The following NFKB2 variants were observed in gnomAD, a reference collection of about 807,000 sequenced individuals.
NFKB2 encodes the protein nuclear factor kappa B subunit 2.
A neutral mutation model predicts 109.3 loss-of-function variants in NFKB2; 21 were observed. The ratio of observed to expected loss-of-function variants is 0.19; its 90% CI spans 0.14 to 0.28. The LOEUF is 0.28. NFKB2 is among the 10% of genes least tolerant of loss of function. The pLI is 1.00. For missense variants in NFKB2, 806 were observed against 1,185.3 expected (o/e 0.68, Z 4.70); for synonymous variants, 478 against 489.9 (o/e 0.98, Z 0.32).
upstream of NFKB2, chr10:102,394,373 G>A (rs1400449229): frequency 2.6e-5 from 4 of 152,388 alleles, no homozygotes; most frequent in Non-Finnish European, 5.9e-5. Context: ...TCCCCTCTCA[G>A]GGGCGCGCCC....
Position 102,397,850 on chromosome 10 carries a change from T to C in NFKB2, c.662-131T>C. The C allele has an allele frequency of 8.0e-7, 1 of 1,251,636 alleles. No individual in the cohort carries two copies. The highest frequency in any genetic ancestry group is 1.1e-6 in the Non-Finnish European group (1 of 879,582). The allele number at this position is 1,251,636 out of a possible 1,614,324, so 77.5% of individuals were successfully genotyped here. Reference sequence around the variant, plus strand: ...ATTTCCCCCCCGAAGCTTCTGTCTTTAGTAAATGTGTATATTGGGTGTTTC... The same window carrying C: ...ATTTCCCCCCCGAAGCTTCTGTCTTCAGTAAATGTGTATATTGGGTGTTTC... On this transcript the variant is annotated intron_variant, in intron 8 of 22. Coordinates refer to ENST00000661543, the MANE Select transcript of NFKB2 (RefSeq NM_001322934.2). This position sits in a 1 kb window ranked among gnomAD's most constrained non-coding sequence, Gnocchi z 4.7.
Position 102,398,766 on chromosome 10 carries a change from G to A in NFKB2, c.1019G>A (p.Arg340Lys). The A allele has an allele frequency of 6.2e-7, 1 of 1,612,598 alleles. No individual in the cohort carries two copies. Among genetic ancestry groups the A allele is most frequent in the Admixed American group, 1.7e-5 (1 of 60,004 alleles). Residue 340 changes from arginine (R) to lysine (K), a missense_variant, in exon 12 of 23, where the codon AGG (arginine) becomes AAG (lysine). Physicochemically the swap from Arg to Lys is conservative, Grantham distance 26. Transcript: ENST00000661543. The surrounding 1 kb of genome is among the most constrained non-coding windows in gnomAD (Gnocchi z 6.6). ...EDKEEVQRKR[R>K]KALPTFSQPF... Reference sequence around the variant, plus strand: ...AAGGAAGAGGTGCAGCGGAAGCGGAGGAAGGCCTTGCCCACCTTCTCCCAG... The same window carrying A: ...AAGGAAGAGGTGCAGCGGAAGCGGAAGAAGGCCTTGCCCACCTTCTCCCAG...
At position 102,400,754 on chromosome 10, in the gene NFKB2, G is replaced by T; in HGVS notation, c.1898G>T (p.Gly633Val). Residue 633 changes from glycine (G) to valine (V), a missense_variant, in exon 17 of 23, where the codon GGG becomes GTG. Around this residue, in one of 10 missense-constraint regions of NFKB2, gnomAD observed 163 missense variants for 207.1 expected, o/e 0.79. Coordinates refer to ENST00000661543, the MANE Select transcript of NFKB2 (RefSeq NM_001322934.2). This position sits in a 1 kb window ranked among gnomAD's most constrained non-coding sequence, Gnocchi z 6.3. ...GAEVEATERQ[G>V]GRTALHLATE... is the part of the protein sequence containing the mutation. ...GAAGTGGAGGCCACAGAGCGGCAGG[G>T]GGGACGAACAGCCTTGCATCTAGCC... 6.2e-7 allele frequency: 1 copy of T among 1,612,892 alleles called. No homozygotes were observed. The highest frequency in any genetic ancestry group is 2.2e-5 in the East Asian group (1 of 44,856).
chr10:102,400,411 G>A lies in NFKB2; in HGVS notation c.1718G>A (p.Gly573Asp). ...CATCTGGCGCTGCGGGCAGGCGCTG[G>A]TGCTCCTGAGCTGCTGCGTGCACTG... ...AMHLALRAGA[G>D]APELLRALLQ... Residue 573 changes from glycine to aspartate, a missense_variant, in exon 16 of 23, where the codon GGT becomes GAT. Coordinates refer to ENST00000661543, the MANE Select transcript of NFKB2 (RefSeq NM_001322934.2). This position sits in a 1 kb window ranked among gnomAD's most constrained non-coding sequence, Gnocchi z 6.3. 3.7e-6 allele frequency: 6 copies of A among 1,613,100 alleles called. No homozygotes were observed. Among genetic ancestry groups the A allele is most frequent in the Non-Finnish European group, 5.1e-6 (6 of 1,180,022 alleles).
upstream of NFKB2, among the ~76,000 whole-genome samples, chr10:102,395,116 G>T (rs1051121354): frequency 9.5e-6 from 1 of 104,958 alleles, no homozygotes; most frequent in Non-Finnish European, 2.0e-5. Context: ...GGGGGGGGGG[G>T]GGAGCGTGCA....
In NFKB2 at chr10:102,401,864, G is replaced by T. The variant is rs770557048; in HGVS notation, c.2413G>T (p.Asp805Tyr). The change falls in exon 21 of 23, where the codon GAC (aspartate) becomes TAC (tyrosine). Residue 805 changes from aspartate (D) to tyrosine (Y), a missense_variant. Physicochemically the swap from Asp to Tyr is radical, Grantham distance 160 (BLOSUM62 -3). Coordinates refer to ENST00000661543, the MANE Select transcript of NFKB2 (RefSeq NM_001322934.2). The surrounding 1 kb of genome is among the most constrained non-coding windows in gnomAD (Gnocchi z 4.2). ...GCGTCTGGGGCTGCGCAGCCTGGTA[G>T]ACACGTACCGACAGACAACCTCACC... ...AERLGLRSLV[D>Y]TYRQTTSPSG... 1 of 1,613,844 alleles carries T rather than the reference G, an allele frequency of 6.2e-7. No individual in the cohort carries two copies. Among genetic ancestry groups the T allele is most frequent in the Non-Finnish European group, 8.5e-7 (1 of 1,179,912 alleles).
Position 102,401,994 on chromosome 10 carries a change from C to T in NFKB2, c.2467-54C>T. ...TCCAGGTGCCTCCTTGGCCCCAGGG[C>T]TCCCGAGCACATGCCCTAACCATGA... On this transcript the variant is annotated intron_variant, in intron 21 of 22. Transcript: ENST00000661543. The surrounding 1 kb of genome is among the most constrained non-coding windows in gnomAD (Gnocchi z 4.2). 2 of 1,579,900 alleles carry T rather than the reference C, an allele frequency of 1.3e-6. No individual in the cohort carries two copies. Among genetic ancestry groups the T allele is most frequent in the Non-Finnish European group, 1.7e-6 (2 of 1,161,488 alleles).
At position 102,400,619 on chromosome 10, in the gene NFKB2, G is replaced by A. The variant is rs866142593; in HGVS notation, c.1799-36G>A. The A allele has an allele frequency of 7.5e-6, 12 of 1,610,432 alleles. 1 individual carries two copies. In the Middle Eastern group the frequency reaches 4.9e-4, roughly 66 times the overall value. On this transcript the variant is annotated intron_variant, in intron 16 of 22. Coordinates refer to ENST00000661543, the MANE Select transcript of NFKB2 (RefSeq NM_001322934.2). The surrounding 1 kb of genome is among the most constrained non-coding windows in gnomAD (Gnocchi z 6.3). ...GGGCTGGTCCAGGGGCTGCCTTAAG[G>A]GTCACAGCTGCAGGTTGAGCATCCT...
chr10:102,402,109 G>A lies in NFKB2; in HGVS notation c.2528G>A (p.Gly843Glu), dbSNP rs1028540366. 6.3e-7 allele frequency: 1 copy of A among 1,580,182 alleles called. No homozygotes were observed. The highest frequency in any genetic ancestry group is 8.6e-7 in the Non-Finnish European group (1 of 1,162,636). The change falls in exon 22 of 23, where the codon GGA becomes GAA. Residue 843 changes from glycine to glutamate, a missense_variant. This residue lies in a region of NFKB2 where 211 missense variants were observed against 268.7 expected (regional missense o/e 0.79). Transcript: ENST00000661543. ...CTGTCTGACATGGGCCTAGAGGAGG[G>A]AGTGAGGCTGCTGAGGGGTCCAGAA... Reference protein sequence around the residue: ...EALSDMGLEEGVRLLRGPETR... With the variant: ...EALSDMGLEEEVRLLRGPETR...
In NFKB2 at chr10:102,401,969, T is replaced by C. The variant is rs1242663720; in HGVS notation, c.2466+52T>C. 3 of 1,591,168 alleles carry C rather than the reference T, an allele frequency of 1.9e-6. No individual in the cohort carries two copies. The highest frequency in any genetic ancestry group is 2.7e-5 in the African/African-American group (2 of 74,442). ...CCCCAGCCTCCTTTCCCGATCTGAG[T>C]CCAGGTGCCTCCTTGGCCCCAGGGC... On this transcript the variant is annotated intron_variant, in intron 21 of 22. Coordinates refer to ENST00000661543, the MANE Select transcript of NFKB2 (RefSeq NM_001322934.2). This position sits in a 1 kb window ranked among gnomAD's most constrained non-coding sequence, Gnocchi z 4.2.
chr10:102,397,495 GC>G lies in NFKB2; in HGVS notation c.503-29del, dbSNP rs750666372. On this transcript the variant is annotated intron_variant, in intron 7 of 22. Transcript: ENST00000661543. This position sits in a 1 kb window ranked among gnomAD's most constrained non-coding sequence, Gnocchi z 4.7. ...TCATGGAAGGAGCAGGGAGGGAGAA[GC>G]CCAGGGGTCACACATGTACCTACTG... 175 of 1,609,142 alleles carry G rather than the reference GC, an allele frequency of 1.1e-4. No homozygotes were observed. Among genetic ancestry groups the G allele is most frequent in the Non-Finnish European group, 1.4e-4 (164 of 1,177,086 alleles).
At chr10:102,399,763 G>A (rs1313708671) in intron 14 of NFKB2, 45 bp downstream of exon 14, 1 of 1,442,816 alleles carries the variant, frequency 6.9e-7, no homozygotes, top group South Asian at 1.4e-5. Context: ...GGTGGGGGCA[G>A]GAAAGGGACC....
chr10:102,394,446 G>T (rs575861912), upstream of NFKB2: 1 of 152,694 alleles, frequency 6.5e-6, no homozygotes, highest in Non-Finnish European at 1.5e-5. Flanking sequence ...AAAAGGGCGC[G>T]AGGCGTGACG....
chr10:102,401,172 T>C lies in NFKB2; in HGVS notation c.2072-8T>C, dbSNP rs906586991. On this transcript the variant is annotated splice_polypyrimidine_tract_variant and splice_region_variant and intron_variant, in intron 18 of 22. Transcript: ENST00000661543. The surrounding 1 kb of genome is among the most constrained non-coding windows in gnomAD (Gnocchi z 4.2). ...CCATACCGCCCCATGACGGCCTCCC[T>C]CTCCCAGGTGCTGACATCCATGCTG... 1 of 1,589,808 alleles carries C rather than the reference T, an allele frequency of 6.3e-7. No homozygotes were observed. Among genetic ancestry groups the C allele is most frequent in the Non-Finnish European group, 8.6e-7 (1 of 1,164,680 alleles).
Position 102,401,160 on chromosome 10 carries a change from T to C in NFKB2, c.2072-20T>C, listed in dbSNP as rs377209638. On this transcript the variant is annotated intron_variant, in intron 18 of 22. Coordinates refer to ENST00000661543, the MANE Select transcript of NFKB2 (RefSeq NM_001322934.2). This position sits in a 1 kb window ranked among gnomAD's most constrained non-coding sequence, Gnocchi z 4.2. Reference sequence around the variant, plus strand: ...TGTAGGCCCCCACCATACCGCCCCATGACGGCCTCCCTCTCCCAGGTGCTG... The same window carrying C: ...TGTAGGCCCCCACCATACCGCCCCACGACGGCCTCCCTCTCCCAGGTGCTG... The C allele has an allele frequency of 2.7e-5, 43 of 1,591,636 alleles. No homozygotes were observed. The highest frequency in any genetic ancestry group is 1.5e-4 in the Admixed American group (9 of 58,342).
chr10:102,398,438 T>C lies in NFKB2; in HGVS notation c.906T>C (p.Pro302=). The C allele has an allele frequency of 6.2e-7, 1 of 1,614,098 alleles. No individual in the cohort carries two copies. Among genetic ancestry groups the C allele is most frequent in the Non-Finnish European group, 8.5e-7 (1 of 1,180,012 alleles). Residue 302 remains proline (P), a synonymous_variant, in exon 11 of 23, where the codon CCT becomes CCC. Transcript: ENST00000661543. The surrounding 1 kb of genome is among the most constrained non-coding windows in gnomAD (Gnocchi z 6.6). ...ATCACAAGATGAAGATTGAGCGGCC[T>C]GTAACAGTGTTTCTGCAACTGAAAC... is the stretch of plus-strand genomic sequence containing the variant. ...PPYHKMKIER[P]VTVFLQLKRK...
In NFKB2 at chr10:102,402,411, C is replaced by T. The variant is rs1409065810; in HGVS notation, c.*35C>T. On this transcript the variant is annotated 3_prime_UTR_variant, in exon 23 of 23. Coordinates refer to ENST00000661543, the MANE Select transcript of NFKB2 (RefSeq NM_001322934.2). Reference sequence around the variant, plus strand: ...TGCCCCCAGCCCCCTTCCCGGACCCCCTGTACAGCGTCCCCACCTATTTCA... The same window carrying T: ...TGCCCCCAGCCCCCTTCCCGGACCCTCTGTACAGCGTCCCCACCTATTTCA... 2.3e-6 allele frequency: 3 copies of T among 1,308,986 alleles called. No homozygotes were observed. The highest frequency in any genetic ancestry group is 4.7e-5 in the East Asian group (2 of 42,516). 81.1% of individuals were successfully genotyped at this position (1,308,986 alleles called of 1,614,324 possible). A position where few individuals can be genotyped will look rare whatever the true frequency, so the allele number is the denominator to read the frequency against.
chr10:102,399,845 G>A lies in NFKB2; in HGVS notation c.1469+127G>A, dbSNP rs1403150501. ...TCCGGCCTCGGTGTTCACAAGCTCT[G>A]TTCAAGCTGCTTGGTCTCTCCAAAC... On this transcript the variant is annotated intron_variant, in intron 14 of 22. Coordinates refer to ENST00000661543, the MANE Select transcript of NFKB2 (RefSeq NM_001322934.2). 3 of 1,362,722 alleles carry A rather than the reference G, an allele frequency of 2.2e-6. No homozygotes were observed. The African/African-American group carries it at 4.4e-5, about 20-fold the overall frequency. The allele number at this position is 1,362,722 out of a possible 1,614,324, so 84.4% of individuals were successfully genotyped here. A position where few individuals can be genotyped will look rare whatever the true frequency, so the allele number is the denominator to read the frequency against.
At chr10:102,399,123 G>A (rs1320195191) in intron 12 of NFKB2, 165 bp from the exon 13 acceptor site, 1 of 772,370 alleles carries the variant, frequency 1.3e-6, no homozygotes, top group Non-Finnish European at 2.0e-6. Context: ...TGAGGCAGGA[G>A]AATCGCTTGA....
Sources: gnomAD v4.1 joint callset for allele counts (sites outside exome capture counted in the v4.1 genomes callset) on GRCh38, gnomAD v4.1.1 for gene constraint, gnomAD v4.1.1 regional missense constraint, Gnocchi (gnomAD v3.1) non-coding constraint, MANE v1.5 for transcripts, NCBI Gene and HGNC (gene_info 2026-07-23, HGNC 2026-07-21) for gene names.